NAALADL2: variants seen among roughly 807,000 people sequenced by gnomAD.
The protein encoded by NAALADL2 is inactive N-acetylated-alpha-linked acidic dipeptidase-like protein 2.
A neutral mutation model predicts 87.2 loss-of-function variants in NAALADL2; 76 were observed. The observed-to-expected ratio is 0.87, with a 90% CI of 0.72 to 1.05. The LOEUF (loss-of-function observed/expected upper bound fraction) is 1.05, where lower values mean the gene tolerates loss of function less well. Among genes scored for constraint, NAALADL2 ranks in the 50% least tolerant of loss-of-function variants. NAALADL2 has a pLI of 0.00. For missense variants in NAALADL2, 1,089 were observed against 945.8 expected (o/e 1.15, Z -1.99); for synonymous variants, 354 against 331.0 (o/e 1.07, Z -0.75).
At chr3:175,743,188 AT>A (rs561285401) in intron 12 of NAALADL2, among the ~76,000 whole-genome samples, 1 of 151,912 alleles carries the variant, frequency 6.6e-6, no homozygotes, top group Non-Finnish European at 1.5e-5. Flanking sequence ...TTTAGTAGAG[AT>A]GGGGTTTCAC....
chr3:174,714,161 T>C (rs1560166567), intron 2 of NAALADL2, among the ~76,000 whole-genome samples: 1 of 152,162 alleles, frequency 6.6e-6, no homozygotes, highest in Non-Finnish European at 1.5e-5. Flanking sequence ...TTGGTCTATA[T>C]CTCTATTTTG....
intron 11 of NAALADL2, among the ~76,000 whole-genome samples, chr3:175,706,140 A>C (rs1739672429): frequency 6.6e-6 from 1 of 152,128 alleles, no homozygotes; most frequent in Non-Finnish European, 1.5e-5. Flanking sequence ...TACACTACAC[A>C]AAATGGGGGA....
intron 2 of NAALADL2, among the ~76,000 whole-genome samples, chr3:175,110,307 T>C (rs546156004): frequency 1.3e-5 from 2 of 151,676 alleles, no homozygotes; most frequent in African/African-American, 4.9e-5. Context: ...AATTATGATA[T>C]GATGACCAGT....
chr3:175,550,769 A>G (rs1045275281), intron 9 of NAALADL2, among the ~76,000 whole-genome samples: 1 of 152,188 alleles, frequency 6.6e-6, no homozygotes, highest in African/African-American at 2.4e-5. Flanking sequence ...TGGAGGGGGA[A>G]CTTCCAATAA....
intron 1 of NAALADL2, among the ~76,000 whole-genome samples, chr3:174,977,067 T>A (rs376224286): frequency 1.4e-4 from 22 of 152,224 alleles, no homozygotes; most frequent in African/African-American, 4.6e-4. Flanking sequence ...CCCAGTGGAT[T>A]CTAAGGCCAA....
intron 5 of NAALADL2, 50 bp downstream of exon 5, chr3:175,324,375 TTG>T (rs1553861385): frequency 7.0e-7 from 1 of 1,430,668 alleles, no homozygotes; most frequent in African/African-American, 1.4e-5. Flanking sequence ...CATTACAAGG[TTG>T]CAATTTATAA....
At chr3:175,567,425 T>G (rs543867385) in intron 9 of NAALADL2, among the ~76,000 whole-genome samples, 1 of 152,152 alleles carries the variant, frequency 6.6e-6, no homozygotes, top group African/African-American at 2.4e-5. Flanking sequence ...CATTAGTACA[T>G]AATGAAATTT....
intron 2 of NAALADL2, among the ~76,000 whole-genome samples, chr3:175,149,656 A>T (rs13074922): frequency 0.3 from 45,671 of 152,088 alleles, 7,078 homozygotes; most frequent in South Asian, 0.35. Context: ...TTATTTTCCT[A>T]CTTTTAGTAG....
At position 175,808,352 on chromosome 3, in the gene NAALADL2, T is replaced by G. The variant is rs1220415257; in HGVS notation, c.*5149T>G. 4 of 151,960 alleles carry G rather than the reference T, an allele frequency of 2.6e-5. No homozygotes were observed. Among genetic ancestry groups the G allele is most frequent in the African/African-American group, 9.7e-5 (4 of 41,428 alleles). The allele number at this position is 151,960 out of a possible 1,614,324, so 9.4% of individuals were successfully genotyped here. A position where few individuals can be genotyped will look rare whatever the true frequency, so the allele number is the denominator to read the frequency against. The stretch of plus-strand genomic sequence containing the variant: ...TTCTGGTTACATTATTTTGTTTGAA[T>G]TATACAATTACATAATTTTCTGTAA... On this transcript the variant is annotated 3_prime_UTR_variant, in exon 14 of 14. Coordinates refer to ENST00000454872, the MANE Select transcript of NAALADL2 (RefSeq NM_207015.3).
At chr3:174,677,300 A>G (rs1047550636) in intron 2 of NAALADL2, among the ~76,000 whole-genome samples, 2 of 151,766 alleles carry the variant, frequency 1.3e-5, no homozygotes, top group African/African-American at 4.8e-5. Context: ...CTCTCCTGGG[A>G]CTTGTTTTTT....
intron 2 of NAALADL2, among the ~76,000 whole-genome samples, chr3:175,130,262 T>A (rs1283277562): frequency 1.3e-5 from 2 of 152,232 alleles, no homozygotes; most frequent in Admixed American, 1.3e-4. Context: ...GATATAAGGT[T>A]TACAAATACA....
intron 9 of NAALADL2, among the ~76,000 whole-genome samples, chr3:175,552,122 G>T (rs1386602043): frequency 6.9e-6 from 1 of 144,286 alleles, no homozygotes; most frequent in African/African-American, 2.8e-5. Context: ...TGTACATATT[G>T]TGTATTATAT....
Position 175,094,757 on chromosome 3 carries a change from A to AGTGTGTGTGTGT in NAALADL2, c.44-2011_44-2000dup, listed in dbSNP as rs369083345. 2.3e-3 allele frequency among the ~76,000 whole-genome samples: 287 copies of AGTGTGTGTGTGT among 126,058 alleles called. 1 individual carries two copies. The highest frequency in any genetic ancestry group is 4.7e-3 in the East Asian group (20 of 4,290). 82.7% of individuals were successfully genotyped at this position (126,058 alleles called of 152,430 possible). ...TTAAAAAAAAAGCACCAGACACTATAGTGTGTGTGTGTGTGTGTGTGTGTG... is the reference window on the plus strand; with the variant it reads ...TTAAAAAAAAAGCACCAGACACTATAGTGTGTGTGTGTGTGTGTGTGTGTGTGTGTGTGTGTG... On this transcript the variant is annotated intron_variant, in intron 1 of 13. Coordinates refer to ENST00000454872, the MANE Select transcript of NAALADL2 (RefSeq NM_207015.3).
At chr3:175,354,604 C>A (rs190777803) in intron 5 of NAALADL2, among the ~76,000 whole-genome samples, 27 of 151,682 alleles carry the variant, frequency 1.8e-4, no homozygotes, top group Middle Eastern at 6.9e-3. Context: ...ATTGATTTAC[C>A]TTTTTTCATT....
chr3:174,888,396 C>T (rs905334238), intron 1 of NAALADL2, among the ~76,000 whole-genome samples: 7 of 152,190 alleles, frequency 4.6e-5, no homozygotes, highest in African/African-American at 1.7e-4. Flanking sequence ...TCACTTACTA[C>T]TGTAAAAATA....
chr3:175,724,724 C>T (rs564199453), intron 11 of NAALADL2, among the ~76,000 whole-genome samples: 7 of 152,138 alleles, frequency 4.6e-5, no homozygotes, highest in African/African-American at 1.7e-4. Context: ...CTCTCTAGTG[C>T]CTTCATTGTC....
intron 5 of NAALADL2, among the ~76,000 whole-genome samples, chr3:175,434,402 C>T (rs370801508): frequency 5.3e-5 from 8 of 151,930 alleles, no homozygotes; most frequent in African/African-American, 1.2e-4. Context: ...AATATTTCCA[C>T]GTCAAAAACA....
intron 5 of NAALADL2, among the ~76,000 whole-genome samples, chr3:175,362,243 A>G (rs909641105): frequency 6.7e-6 from 1 of 148,300 alleles, no homozygotes; most frequent in African/African-American, 2.5e-5. Flanking sequence ...TTTTGGTACC[A>G]GTACCATGCT....
intron 9 of NAALADL2, among the ~76,000 whole-genome samples, chr3:175,490,974 C>T (rs1490910120): frequency 6.6e-6 from 1 of 151,974 alleles, no homozygotes; most frequent in Non-Finnish European, 1.5e-5. Context: ...TATCTTATAG[C>T]CTTCAAATAA....
Sources: allele counts gnomAD v4.1 joint callset (sites outside exome capture counted in the v4.1 genomes callset), GRCh38; gene constraint gnomAD v4.1.1; transcripts MANE v1.5; gene names NCBI Gene and HGNC (gene_info 2026-07-23, HGNC 2026-07-21).